ARHGEF4: variants seen among roughly 807,000 people sequenced by gnomAD.
ARHGEF4 encodes APC-stimulated guanine nucleotide exchange factor 1.
A neutral mutation model predicts 162.0 loss-of-function variants in ARHGEF4; 119 were observed. That is an observed-to-expected ratio of 0.73 (90% confidence interval 0.63 to 0.86). The LOEUF (loss-of-function observed/expected upper bound fraction) is 0.86, where lower values mean the gene tolerates loss of function less well. ARHGEF4 is among the 40% of genes least tolerant of loss of function. The pLI is 0.00. For synonymous variants in ARHGEF4, 1,014 were observed against 979.9 expected (o/e 1.03, Z -0.65); for missense variants, 2,488 against 2,456.0 (o/e 1.01, Z -0.28).
chr2:130,900,310 C>T (rs1001612681), intron 1 of ARHGEF4, among the ~76,000 whole-genome samples: 4 of 152,120 alleles, frequency 2.6e-5, no homozygotes, highest in Admixed American at 2.6e-4. Flanking sequence ...GCTGATAGTC[C>T]TCAACTATAA....
Position 130,946,575 on chromosome 2 carries a change from T to C in ARHGEF4, c.3925T>C (p.Ser1309Pro), listed in dbSNP as rs1558754675. Residue 1309 changes from serine (S) to proline (P), a missense_variant, in exon 4 of 14, where the codon TCC (serine) becomes CCC (proline). Ser to Pro is a moderately conservative substitution (Grantham distance 74). Around this residue, in one of 6 missense-constraint regions of ARHGEF4, gnomAD observed 1,642 missense variants for 1,481.5 expected, o/e 1.11. Transcript: ENST00000409359. ...LNLPRRSHPL[S>P]QSAPTGLNHM... ...TCTCCCTAGAAGAAGCCATCCACTC[T>C]CCCAGAGTGCTCCAACGGGACTGAA... The C allele has an allele frequency of 6.2e-7, 1 of 1,614,058 alleles. No homozygotes were observed. The highest frequency in any genetic ancestry group is 1.3e-5 in the African/African-American group (1 of 75,024).
intron 4 of ARHGEF4, among the ~76,000 whole-genome samples, chr2:131,005,504 T>C (rs528093981): frequency 2.0e-5 from 3 of 152,178 alleles, no homozygotes; most frequent in Admixed American, 1.3e-4. Flanking sequence ...TGTGTTGAAG[T>C]GCGCCTCTGG....
chr2:130,918,721 G>T (rs1681685566), intron 2 of ARHGEF4, among the ~76,000 whole-genome samples: 1 of 152,226 alleles, frequency 6.6e-6, no homozygotes. Flanking sequence ...CCACAAGGCC[G>T]AGTGGACAGC....
intron 2 of ARHGEF4, among the ~76,000 whole-genome samples, chr2:130,929,067 C>G (rs1682472687): frequency 6.6e-6 from 1 of 152,162 alleles, no homozygotes; most frequent in Non-Finnish European, 1.5e-5. Context: ...TGCTGCATAG[C>G]CCAGAGGATC....
intron 2 of ARHGEF4, among the ~76,000 whole-genome samples, chr2:130,918,399 A>G (rs1681655688): frequency 6.6e-6 from 1 of 152,210 alleles, no homozygotes; most frequent in Admixed American, 6.5e-5. Context: ...GGAAGGAGAG[A>G]GCTTTTCTGG....
chr2:130,927,699 A>G (rs1384166638), intron 2 of ARHGEF4, among the ~76,000 whole-genome samples: 3 of 150,508 alleles, frequency 2.0e-5, no homozygotes, highest in Non-Finnish European at 3.0e-5. Flanking sequence ...TGAGTGGTAT[A>G]TATGCGGCAA....
chr2:131,013,103 C>T lies in ARHGEF4; in HGVS notation c.3986-14842C>T, dbSNP rs115889167. Among the ~76,000 whole-genome samples, 537 of 152,214 alleles carry T rather than the reference C, an allele frequency of 3.5e-3. 1 individual carries two copies. The highest frequency in any genetic ancestry group is 0.012 in the African/African-American group (515 of 41,542). On this transcript the variant is annotated intron_variant, in intron 4 of 13. Coordinates refer to ENST00000409359, the MANE Select transcript of ARHGEF4 (RefSeq NM_001367493.1). ...TGTGACATCTTCAGATATTACGTGC[C>T]GAGACCAAAGAACTGCCAGCTTCAG...
At chr2:131,010,705 G>C (rs546325441) in intron 4 of ARHGEF4, among the ~76,000 whole-genome samples, 1 of 152,208 alleles carries the variant, frequency 6.6e-6, no homozygotes, top group Non-Finnish European at 1.5e-5. Flanking sequence ...AGCTGAGGGG[G>C]TGGGGTAGAG....
chr2:130,976,347 GTC>G (rs1330255999), intron 4 of ARHGEF4, among the ~76,000 whole-genome samples: 268 of 84,792 alleles, frequency 3.2e-3, no homozygotes, highest in Middle Eastern at 6.6e-3. Context: ...GTGTGTGTGT[GTC>G]TGTGTGTGTG....
intron 1 of ARHGEF4, among the ~76,000 whole-genome samples, chr2:130,842,775 C>T (rs76585031): frequency 0.019 from 2,874 of 152,260 alleles, 72 homozygotes; most frequent in African/African-American, 0.065. Flanking sequence ...ATCTCTTACC[C>T]GCAGGGATCC....
chr2:130,848,408 G>A (rs571566440), intron 1 of ARHGEF4, among the ~76,000 whole-genome samples: 3 of 152,230 alleles, frequency 2.0e-5, no homozygotes, highest in Admixed American at 1.3e-4. Context: ...CAGGCCATGA[G>A]CAAGACATAC....
rs1314701203 is a variant in ARHGEF4 at position 130,931,087 on chromosome 2, G to A, written c.3688G>A (p.Ala1230Thr). 6.2e-7 allele frequency: 1 copy of A among 1,614,184 alleles called. No individual in the cohort carries two copies. The highest frequency in any genetic ancestry group is 1.3e-5 in the African/African-American group (1 of 75,054). ...GACATGGGCCCTCCTCTGCATCTCT[G>A]CAGAGACTGTGCGTGGGGAGGCTCC... Reference protein sequence around the residue: ...MVTWALLCISAETVRGEAPSQ... With the variant: ...MVTWALLCISTETVRGEAPSQ... The change falls in exon 3 of 14, where the codon GCA becomes ACA. Residue 1230 changes from alanine to threonine, a missense_variant. By Grantham distance (58) the Ala-to-Thr change is moderately conservative. Transcript: ENST00000409359.
At chr2:131,039,362 T>C in intron 6 of ARHGEF4, 1 of 1,112,104 alleles carries the variant, frequency 9.0e-7, no homozygotes. Context: ...ACTGCTCACC[T>C]CACACACAGC....
At chr2:130,852,280 T>A (rs1681465030) in intron 1 of ARHGEF4, among the ~76,000 whole-genome samples, 1 of 151,994 alleles carries the variant, frequency 6.6e-6, no homozygotes, top group Non-Finnish European at 1.5e-5. Context: ...AGGGCATGGC[T>A]GGTGTGGGGA....
At chr2:130,966,975 A>G (rs76733949) in intron 4 of ARHGEF4, among the ~76,000 whole-genome samples, 2,097 of 152,262 alleles carry the variant, frequency 0.014, 59 homozygotes, top group African/African-American at 0.048. Context: ...TTCTCTCTTA[A>G]GGAAGATTAA....
intron 1 of ARHGEF4, among the ~76,000 whole-genome samples, chr2:130,885,609 G>A (rs1006882906): frequency 8.1e-6 from 1 of 123,240 alleles, no homozygotes; most frequent in Non-Finnish European, 1.6e-5. Context: ...TCCCTCTGTC[G>A]CCCAGTCTGG....
At chr2:130,923,016 C>T (rs547876213) in intron 2 of ARHGEF4, among the ~76,000 whole-genome samples, 3 of 151,924 alleles carry the variant, frequency 2.0e-5, no homozygotes, top group African/African-American at 7.2e-5. Context: ...GTGCAACTTC[C>T]GCTTCCCGGG....
In ARHGEF4 at chr2:130,935,740, A is replaced by G. The variant is rs891268409; in HGVS notation, c.3858+4483A>G. The stretch of plus-strand genomic sequence containing the variant: ...TTGACATCTAGTGTCATTACATTGC[A>G]ATCAGAAAAGATACTTCATATGAAT... On this transcript the variant is annotated intron_variant, in intron 3 of 13. Transcript: ENST00000409359. Among the ~76,000 whole-genome samples the G allele has an allele frequency of 7.9e-5, 12 of 152,294 alleles. No homozygotes were observed. In the South Asian group the frequency reaches 2.5e-3, roughly 32 times the overall value.
chr2:131,007,887 C>T (rs1688228681), intron 4 of ARHGEF4, among the ~76,000 whole-genome samples: 1 of 138,610 alleles, frequency 7.2e-6, no homozygotes, highest in Admixed American at 7.7e-5. Context: ...TCTCAGCTCA[C>T]TGCAACCTCC....
Sources: gnomAD v4.1 joint callset for allele counts (sites outside exome capture counted in the v4.1 genomes callset) on GRCh38, gnomAD v4.1.1 for gene constraint, gnomAD v4.1.1 regional missense constraint, MANE v1.5 for transcripts, NCBI Gene and HGNC (gene_info 2026-07-23, HGNC 2026-07-21) for gene names.